MCC: variants seen among roughly 807,000 people sequenced by gnomAD.
MCC encodes MCC regulator of Wnt signaling pathway, also known as colorectal mutant cancer protein.
MCC carries 90 observed loss-of-function variants against 116.2 expected under a neutral mutation model. That is an observed-to-expected ratio of 0.77 (90% CI 0.65 to 0.92). MCC has a LOEUF of 0.92. MCC is among the 40% of genes least tolerant of loss of function. The pLI, the probability that MCC is intolerant of heterozygous loss-of-function variation, is 0.00. For missense variants in MCC, 1,516 were observed against 1,312.2 expected (o/e 1.16, Z -2.40); for synonymous variants, 578 against 510.5 (o/e 1.13, Z -1.78).
In MCC at chr5:113,434,119, G is replaced by C; in HGVS notation, c.171-48907C>G. On this transcript the variant is annotated intron_variant, in intron 1 of 18. Coordinates refer to ENST00000408903, the MANE Select transcript of MCC (RefSeq NM_001085377.2). The surrounding 1 kb of genome is among the most constrained non-coding windows in gnomAD (Gnocchi z 4.2). ...ATGAGGTCCTTGCACTCGCCTGTCA[G>C]GTGCTTGGAGCGTGGGAAGTTGACG... 5.0e-6 allele frequency: 8 copies of C among 1,614,206 alleles called. No individual in the cohort carries two copies. The South Asian group carries it at 8.8e-5, about 18-fold the overall frequency.
intron 3 of MCC, among the ~76,000 whole-genome samples, chr5:113,218,571 A>G (rs947061319): frequency 2.0e-5 from 3 of 152,348 alleles, no homozygotes; most frequent in East Asian, 1.9e-4. Context: ...GTAGAAATGA[A>G]CTTCATAACA....
intron 3 of MCC, among the ~76,000 whole-genome samples, chr5:113,160,236 A>G (rs1162450208): frequency 6.6e-6 from 1 of 152,186 alleles, no homozygotes; most frequent in Non-Finnish European, 1.5e-5. Context: ...CCCTTCTTCA[A>G]ATAAATGGTT....
At chr5:113,126,449 C>A (rs1352873260) in intron 5 of MCC, among the ~76,000 whole-genome samples, 1 of 152,110 alleles carries the variant, frequency 6.6e-6, no homozygotes, top group Non-Finnish European at 1.5e-5. Context: ...ATGTACTTGA[C>A]CTTTGAACAA....
At chr5:113,357,577 A>T (rs1177000169) in intron 2 of MCC, among the ~76,000 whole-genome samples, 1 of 152,188 alleles carries the variant, frequency 6.6e-6, no homozygotes, top group Non-Finnish European at 1.5e-5. Context: ...CAATAGACAG[A>T]AAAAACCTGA....
intron 3 of MCC, among the ~76,000 whole-genome samples, chr5:113,298,982 T>C (rs745963306): frequency 3.3e-5 from 5 of 152,056 alleles, no homozygotes; most frequent in African/African-American, 7.2e-5. Context: ...CTGAACCCCA[T>C]TGCATGTAAA....
chr5:113,241,089 G>C (rs1764346022), intron 3 of MCC, among the ~76,000 whole-genome samples: 1 of 152,078 alleles, frequency 6.6e-6, no homozygotes, highest in South Asian at 2.1e-4. Context: ...TTTAGAAATA[G>C]CTTTAGTTTC....
At position 113,068,401 on chromosome 5, in the gene MCC, T is replaced by C. The variant is rs182845829; in HGVS notation, c.1926-218A>G. On this transcript the variant is annotated intron_variant, in intron 12 of 18. Transcript: ENST00000408903. Reference sequence around the variant, plus strand: ...AACCTTTAACTTGGTTCTGGAAAAATACAAGAGAAACAATAAAGGTGGGAG... The same window carrying C: ...AACCTTTAACTTGGTTCTGGAAAAACACAAGAGAAACAATAAAGGTGGGAG... Among the ~76,000 whole-genome samples the C allele has an allele frequency of 7.8e-3, 1,181 of 152,230 alleles. 8 individuals are homozygous for C. Among genetic ancestry groups the C allele is most frequent in the Middle Eastern group, 0.014 (4 of 294 alleles).
intron 2 of MCC, among the ~76,000 whole-genome samples, chr5:113,343,734 C>G (rs779966764): frequency 9.2e-5 from 14 of 152,270 alleles, no homozygotes; most frequent in Non-Finnish European, 1.3e-4. Flanking sequence ...TTGTAGTACC[C>G]TACAGTTTCA....
intron 3 of MCC, among the ~76,000 whole-genome samples, chr5:113,315,771 A>G (rs879321736): frequency 7.3e-5 from 11 of 151,446 alleles, no homozygotes; most frequent in Non-Finnish European, 1.5e-4. Flanking sequence ...CAGCTACTGA[A>G]GAGGCTGAGG....
In MCC at chr5:113,027,138, C is replaced by T; in HGVS notation, c.*164G>A. 1 of 657,262 alleles carries T rather than the reference C, an allele frequency of 1.5e-6. No homozygotes were observed. Among genetic ancestry groups the T allele is most frequent in the Non-Finnish European group, 2.6e-6 (1 of 387,334 alleles). 40.7% of individuals were successfully genotyped at this position (657,262 alleles called of 1,614,324 possible). A position where few individuals can be genotyped will look rare whatever the true frequency, so the allele number is the denominator to read the frequency against. ...ATACAGTCCACAATGTCACCATGGC[C>T]AGTCGCCCCAAGGGTTGAGTTGGGG... On this transcript the variant is annotated 3_prime_UTR_variant, in exon 19 of 19. Coordinates refer to ENST00000408903, the MANE Select transcript of MCC (RefSeq NM_001085377.2).
intron 3 of MCC, among the ~76,000 whole-genome samples, chr5:113,271,607 G>C (rs1261842902): frequency 6.6e-6 from 1 of 152,172 alleles, no homozygotes; most frequent in African/African-American, 2.4e-5. Flanking sequence ...GCTATGGTTT[G>C]AATGTGTTCC....
intron 2 of MCC, among the ~76,000 whole-genome samples, chr5:113,344,769 G>A (rs1561532190): frequency 6.6e-6 from 1 of 151,970 alleles, no homozygotes; most frequent in Admixed American, 6.6e-5. Flanking sequence ...ATTGGGCCCC[G>A]AATAATCAGT....
chr5:113,291,504 C>T (rs139671104), intron 3 of MCC, among the ~76,000 whole-genome samples: 477 of 152,294 alleles, frequency 3.1e-3, no homozygotes, highest in Non-Finnish European at 5.0e-3. Context: ...CAATGAGAGC[C>T]ATTTTGTTTA....
chr5:113,212,915 A>C (rs535381954), intron 3 of MCC, among the ~76,000 whole-genome samples: 1 of 152,334 alleles, frequency 6.6e-6, no homozygotes, highest in South Asian at 2.1e-4. Context: ...AATACCTTTC[A>C]TTCTCATCCA....
chr5:113,270,991 A>G (rs551027136), intron 3 of MCC, among the ~76,000 whole-genome samples: 20 of 152,244 alleles, frequency 1.3e-4, no homozygotes, highest in Middle Eastern at 6.8e-3. Context: ...GACAAGGATA[A>G]AAATATTTGC....
chr5:113,108,773 C>G (rs932957385), intron 6 of MCC, among the ~76,000 whole-genome samples: 2 of 152,090 alleles, frequency 1.3e-5, no homozygotes, highest in South Asian at 2.1e-4. Flanking sequence ...ATCTACCCTT[C>G]AAACCAATGA....
chr5:113,085,397 T>G, intron 8 of MCC, 87 bp from the exon 9 acceptor site: 1 of 1,338,232 alleles, frequency 7.5e-7, no homozygotes, highest in Non-Finnish European at 1.0e-6. Context: ...GGGGCTTTCA[T>G]TTACATTGAG....
chr5:113,407,126 AAAT>A (rs1296928297), intron 1 of MCC, among the ~76,000 whole-genome samples: 3 of 152,216 alleles, frequency 2.0e-5, no homozygotes, highest in Non-Finnish European at 4.4e-5. Flanking sequence ...GAGTAAGTTA[AAAT>A]AATTATTATT....
At chr5:113,293,262 C>T (rs1420813055) in intron 3 of MCC, among the ~76,000 whole-genome samples, 2 of 151,998 alleles carry the variant, frequency 1.3e-5, no homozygotes, top group African/African-American at 4.8e-5. Context: ...CCCGCAGGGG[C>T]TCCATCCCTG....
Sources: allele counts gnomAD v4.1 joint callset (sites outside exome capture counted in the v4.1 genomes callset), GRCh38; gene constraint gnomAD v4.1.1; non-coding constraint Gnocchi (gnomAD v3.1); transcripts MANE v1.5; gene names NCBI Gene and HGNC (gene_info 2026-07-23, HGNC 2026-07-21).